The following CHD1L variants were observed in gnomAD, a reference collection of about 807,000 sequenced individuals.
CHD1L encodes the protein chromodomain helicase DNA binding protein 1 like.
A neutral mutation model predicts 115.9 loss-of-function variants in CHD1L; 118 were observed. That is an observed-to-expected ratio of 1.02 (90% CI 0.88 to 1.19). The LOEUF (loss-of-function observed/expected upper bound fraction) is 1.19, where lower values mean the gene tolerates loss of function less well. CHD1L is among the 50% of genes most tolerant of loss of function. The pLI, the probability that CHD1L is intolerant of heterozygous loss-of-function variation, is 0.00. For missense variants in CHD1L, 1,179 were observed against 1,065.3 expected (o/e 1.11, Z -1.49); for synonymous variants, 411 against 387.1 (o/e 1.06, Z -0.72).
the CHD1L span, among the ~76,000 whole-genome samples, chr1:147,189,307 G>T: frequency 6.6e-6 from 1 of 151,358 alleles, no homozygotes; most frequent in African/African-American, 2.4e-5. Context: ...AGTAAGGATG[G>T]AAGTTAACAA....
chr1:147,266,333 G>A (rs1673901342), intron 8 of CHD1L, among the ~76,000 whole-genome samples: 2 of 152,090 alleles, frequency 1.3e-5, no homozygotes, highest in Admixed American at 1.3e-4. Flanking sequence ...CTGTAATTAA[G>A]CAAACACTTC....
chr1:147,213,958 A>C, the CHD1L span, among the ~76,000 whole-genome samples: 1 of 151,966 alleles, frequency 6.6e-6, no homozygotes, highest in Non-Finnish European at 1.5e-5. Flanking sequence ...AGTGGCTCTC[A>C]TTTTATATAA....
At chr1:147,230,807 A>G in the CHD1L span, among the ~76,000 whole-genome samples, 1 of 151,064 alleles carries the variant, frequency 6.6e-6, no homozygotes, top group South Asian at 2.1e-4. Flanking sequence ...AGAGGTGTTT[A>G]TAGTATTCTC....
At chr1:147,228,623 C>T in the CHD1L span, among the ~76,000 whole-genome samples, 1 of 152,178 alleles carries the variant, frequency 6.6e-6, no homozygotes, top group African/African-American at 2.4e-5. Flanking sequence ...TACAGTCCCA[C>T]CAACAGTGTA....
the CHD1L span, chr1:147,225,101 A>G: frequency 6.2e-7 from 1 of 1,606,012 alleles, no homozygotes. Context: ...AAAAGCACAC[A>G]TCGGTTAACA....
the CHD1L span, among the ~76,000 whole-genome samples, chr1:147,193,955 G>C: frequency 1.3e-5 from 2 of 151,764 alleles, no homozygotes; most frequent in South Asian, 4.2e-4. Context: ...AATAGGTGTG[G>C]TGTGGTGCTG....
At position 147,248,284 on chromosome 1, in the gene CHD1L, C is replaced by T. The variant is rs183105004; in HGVS notation, c.128-4339C>T. 6.8e-4 allele frequency among the ~76,000 whole-genome samples: 103 copies of T among 151,888 alleles called. No individual in the cohort carries two copies. In the East Asian group the frequency reaches 0.019, roughly 27 times the overall value. On this transcript the variant is annotated intron_variant, in intron 1 of 22. Coordinates refer to ENST00000369258, the MANE Select transcript of CHD1L (RefSeq NM_004284.6). ...GTGCAATGGCACGATCTCAGCTCAC[C>T]GCAACCTCCTGCCTCCCAGGTTCAA...
At chr1:147,189,769 A>T in the CHD1L span, among the ~76,000 whole-genome samples, 1 of 152,148 alleles carries the variant, frequency 6.6e-6, no homozygotes, top group Non-Finnish European at 1.5e-5. Flanking sequence ...GCCACTGCAG[A>T]CTTGTAAATC....
rs781810044 is a variant in CHD1L, at chr1:147,265,903, C to T, written c.740-29C>T. On this transcript the variant is annotated intron_variant, in intron 7 of 22. Coordinates refer to ENST00000369258, the MANE Select transcript of CHD1L (RefSeq NM_004284.6). Reference sequence around the variant, plus strand: ...TTGCCTTGGTTCTACTTTTGTCCCACACTTCTTGTATTTTTTTTTCTTATG... The same window carrying T: ...TTGCCTTGGTTCTACTTTTGTCCCATACTTCTTGTATTTTTTTTTCTTATG... 5.0e-6 allele frequency: 8 copies of T among 1,589,674 alleles called. No homozygotes were observed. In the South Asian group the frequency reaches 8.1e-5, roughly 16 times the overall value.
chr1:147,263,320 C>G (rs80270233), intron 6 of CHD1L, among the ~76,000 whole-genome samples: 26,942 of 150,492 alleles, frequency 0.18, 3,055 homozygotes, highest in Middle Eastern at 0.27. Flanking sequence ...GCTCCAGCTA[C>G]TGGGGAGGCT....
At chr1:147,259,683 T>C in intron 5 of CHD1L, 154 bp from the exon 6 acceptor site, 3 of 647,454 alleles carry the variant, frequency 4.6e-6, no homozygotes, top group Non-Finnish European at 8.2e-6. Flanking sequence ...TATGCACATG[T>C]AGCCTCTCAG....
chr1:147,233,917 A>G, the CHD1L span, among the ~76,000 whole-genome samples: 1 of 151,918 alleles, frequency 6.6e-6, no homozygotes, highest in Non-Finnish European at 1.5e-5. Context: ...AAGAGTCATC[A>G]CCACTCCCTA....
chr1:147,212,274 C>A, the CHD1L span: 1 of 1,019,356 alleles, frequency 9.8e-7, no homozygotes, highest in Admixed American at 2.2e-5. Context: ...CTATATTTGC[C>A]ACTGGCACTG....
intron 1 of CHD1L, among the ~76,000 whole-genome samples, chr1:147,245,200 A>G (rs587720656): frequency 6.6e-6 from 1 of 152,340 alleles, no homozygotes; most frequent in East Asian, 1.9e-4. Flanking sequence ...TACCTTTCCC[A>G]GACCCCACTG....
the CHD1L span, chr1:147,179,440 T>C: frequency 6.3e-7 from 1 of 1,593,110 alleles, no homozygotes; most frequent in African/African-American, 1.3e-5. Context: ...TGATGTGCCT[T>C]CTCCATATGA....
At chr1:147,208,187 G>C in the CHD1L span, among the ~76,000 whole-genome samples, 5 of 152,126 alleles carry the variant, frequency 3.3e-5, no homozygotes, top group Non-Finnish European at 5.9e-5. Flanking sequence ...TCTTCTCTCT[G>C]TATTTCATGC....
chr1:147,282,954 C>T (rs948897438), intron 15 of CHD1L, among the ~76,000 whole-genome samples: 7 of 152,210 alleles, frequency 4.6e-5, no homozygotes, highest in South Asian at 2.1e-4. Flanking sequence ...GATAGAGACG[C>T]GGGTCTAGGC....
chr1:147,208,961 T>G, the CHD1L span: 1 of 1,613,982 alleles, frequency 6.2e-7, no homozygotes, highest in South Asian at 1.1e-5. Context: ...ATAAAATGTG[T>G]AAGTCGAGAA....
At chr1:147,221,296 G>C in the CHD1L span, among the ~76,000 whole-genome samples, 1 of 152,134 alleles carries the variant, frequency 6.6e-6, no homozygotes, top group Non-Finnish European at 1.5e-5. Flanking sequence ...TAATAATAAT[G>C]TATCAATATT....
Sources: gnomAD v4.1 joint callset for allele counts (sites outside exome capture counted in the v4.1 genomes callset) on GRCh38, gnomAD v4.1.1 for gene constraint, MANE v1.5 for transcripts, NCBI Gene and HGNC (gene_info 2026-07-23, HGNC 2026-07-21) for gene names.